Variants in CCDC148 observed in about 807,000 individuals in gnomAD.
The protein encoded by CCDC148 is coiled-coil domain-containing protein 148.
A neutral mutation model predicts 85.7 loss-of-function variants in CCDC148; 89 were observed. That is an observed-to-expected ratio of 1.04 (90% CI 0.87 to 1.24). The LOEUF (loss-of-function observed/expected upper bound fraction) is 1.24. CCDC148 is among the 50% of genes most tolerant of loss of function. The pLI, the probability that CCDC148 is intolerant of heterozygous loss-of-function variation, is 0.00. For synonymous variants in CCDC148, 230 were observed against 213.9 expected (o/e 1.08, Z -0.66); for missense variants, 692 against 671.7 (o/e 1.03, Z -0.33).
chr2:158,371,665 C>CATATAT (rs1305949513), intron 1 of CCDC148, among the ~76,000 whole-genome samples: 3 of 144,544 alleles, frequency 2.1e-5, no homozygotes, highest in African/African-American at 8.4e-5. Context: ...TTTGTGTGTT[C>CATATAT]ATATACATAT....
chr2:158,216,604 G>C (rs1049939831), intron 11 of CCDC148, among the ~76,000 whole-genome samples: 1 of 151,870 alleles, frequency 6.6e-6, no homozygotes, highest in African/African-American at 2.4e-5. Flanking sequence ...CATTGTATTA[G>C]TTAGCTTGGG....
At chr2:158,281,541 T>C (rs1690300747) in intron 9 of CCDC148, among the ~76,000 whole-genome samples, 2 of 152,056 alleles carry the variant, frequency 1.3e-5, no homozygotes, top group Non-Finnish European at 1.5e-5. Context: ...AATGGATAAA[T>C]TCCTCGACAC....
chr2:158,388,315 G>A (rs1221318037), intron 1 of CCDC148, among the ~76,000 whole-genome samples: 1 of 151,926 alleles, frequency 6.6e-6, no homozygotes, highest in African/African-American at 2.4e-5. Flanking sequence ...CATAATTATG[G>A]GTAACCAATG....
intron 11 of CCDC148, among the ~76,000 whole-genome samples, chr2:158,215,544 T>C (rs1558988398): frequency 6.8e-6 from 1 of 146,748 alleles, no homozygotes; most frequent in South Asian, 2.2e-4. Context: ...CTTTTTTTTC[T>C]TTTTTTTTTT....
At position 158,384,680 on chromosome 2, in the gene CCDC148, T is replaced by A. The variant is rs150642048; in HGVS notation, c.26-26110A>T. Among the ~76,000 whole-genome samples, 562 of 152,312 alleles carry A rather than the reference T, an allele frequency of 3.7e-3. 1 individual carries two copies. Among genetic ancestry groups the A allele is most frequent in the Middle Eastern group, 0.017 (5 of 294 alleles). The stretch of plus-strand genomic sequence containing the variant: ...TAAATTACCCACTCTCAAGTAGGTC[T>A]TTATAGCAATGCAAGAAGGGACCAA... On this transcript the variant is annotated intron_variant, in intron 1 of 13. Transcript: ENST00000283233.
intron 1 of CCDC148, among the ~76,000 whole-genome samples, chr2:158,432,144 T>C (rs1230011160): frequency 1.3e-5 from 2 of 151,684 alleles, no homozygotes; most frequent in East Asian, 1.9e-4. Context: ...AAATTATAAC[T>C]AATAATATCA....
rs11897175 is a variant in CCDC148, at chr2:158,333,071, C to T, written c.764+5655G>A. Among the ~76,000 whole-genome samples the T allele has an allele frequency of 3.5e-3, 530 of 152,156 alleles. 3 individuals are homozygous for T. Among genetic ancestry groups the T allele is most frequent in the African/African-American group, 0.012 (503 of 41,520 alleles). ...GATCTTAGTTATTTCTTGTCTTCTG[C>T]TAGCTTTTGAATGTGTTTGCTCTTG... On this transcript the variant is annotated intron_variant, in intron 7 of 13. Coordinates refer to ENST00000283233, the MANE Select transcript of CCDC148 (RefSeq NM_138803.4).
intron 9 of CCDC148, among the ~76,000 whole-genome samples, chr2:158,253,414 C>T (rs934838358): frequency 6.6e-6 from 1 of 151,602 alleles, no homozygotes; most frequent in African/African-American, 2.4e-5. Context: ...TTGAAATGCT[C>T]TCAGATTTCC....
At chr2:158,413,641 G>T (rs1240931566) in intron 1 of CCDC148, among the ~76,000 whole-genome samples, 2 of 150,078 alleles carry the variant, frequency 1.3e-5, no homozygotes, top group African/African-American at 2.4e-5. Flanking sequence ...TCAGGGGTTT[G>T]CAAACTTTTT....
chr2:158,430,465 G>T (rs1687297441), intron 1 of CCDC148, among the ~76,000 whole-genome samples: 1 of 152,120 alleles, frequency 6.6e-6, no homozygotes. Context: ...AGACAAAAAA[G>T]TTGATCAATG....
chr2:158,247,114 T>C (rs1232384091), intron 10 of CCDC148, among the ~76,000 whole-genome samples: 1 of 152,128 alleles, frequency 6.6e-6, no homozygotes, highest in Admixed American at 6.6e-5. Context: ...GCAACCCATA[T>C]AACTACAAAA....
chr2:158,186,647 C>T (rs1685169514), intron 11 of CCDC148, among the ~76,000 whole-genome samples: 3 of 152,018 alleles, frequency 2.0e-5, no homozygotes, highest in African/African-American at 7.2e-5. Context: ...TTTTCAGATA[C>T]CGTCTTTTTT....
At chr2:158,433,940 T>C (rs1439714483) in intron 1 of CCDC148, among the ~76,000 whole-genome samples, 1 of 152,174 alleles carries the variant, frequency 6.6e-6, no homozygotes, top group African/African-American at 2.4e-5. Context: ...CGTCCGCCAT[T>C]GCTGAGGCTT....
intron 10 of CCDC148, among the ~76,000 whole-genome samples, chr2:158,249,066 G>A (rs191409064): frequency 6.6e-6 from 1 of 152,044 alleles, no homozygotes; most frequent in East Asian, 1.9e-4. Flanking sequence ...GTGTAGCCAT[G>A]CCAGTTCCTC....
At chr2:158,439,958 T>C (rs1359640089) in intron 1 of CCDC148, among the ~76,000 whole-genome samples, 3 of 152,098 alleles carry the variant, frequency 2.0e-5, no homozygotes, top group African/African-American at 7.2e-5. Flanking sequence ...CCTCCTGGGA[T>C]GAAGCATCTT....
intron 5 of CCDC148, 73 bp from the exon 6 acceptor site, chr2:158,339,158 A>C: frequency 2.6e-6 from 3 of 1,143,670 alleles, no homozygotes; most frequent in Non-Finnish European, 3.9e-6. Context: ...AAGACACAAT[A>C]ATTATTCTCA....
At chr2:158,388,084 T>A (rs1417115520) in intron 1 of CCDC148, among the ~76,000 whole-genome samples, 1 of 152,166 alleles carries the variant, frequency 6.6e-6, no homozygotes, top group African/African-American at 2.4e-5. Context: ...TCTTCCTATA[T>A]GGATAATGCA....
chr2:158,398,051 T>C (rs980313282), intron 1 of CCDC148, among the ~76,000 whole-genome samples: 1 of 151,846 alleles, frequency 6.6e-6, no homozygotes, highest in African/African-American at 2.4e-5. Flanking sequence ...TAATAGTAAA[T>C]GGAACAATTC....
intron 1 of CCDC148, among the ~76,000 whole-genome samples, chr2:158,436,349 A>T (rs1348523250): frequency 6.6e-6 from 1 of 152,248 alleles, no homozygotes; most frequent in African/African-American, 2.4e-5. Flanking sequence ...AACTACATGG[A>T]AACTGAACAA....
Sources: gnomAD v4.1 joint callset for allele counts (sites outside exome capture counted in the v4.1 genomes callset) on GRCh38, gnomAD v4.1.1 for gene constraint, MANE v1.5 for transcripts, NCBI Gene and HGNC (gene_info 2026-07-23, HGNC 2026-07-21) for gene names.